The following ANO4 variants were observed in gnomAD, a reference collection of about 807,000 sequenced individuals.
ANO4 encodes the protein anoctamin 4, also known as anoctamin-4.
Under a neutral mutation model 141.9 loss-of-function variants are expected in ANO4, and 69 were observed. The ratio of observed to expected loss-of-function variants is 0.49; its 90% confidence interval spans 0.40 to 0.59. The LOEUF is 0.59. ANO4 is among the 20% of genes least tolerant of loss of function. The probability of loss-of-function intolerance (pLI) is 0.00; values close to 1 mark genes in which losing one functional copy is unlikely to be tolerated. For missense variants in ANO4, 894 were observed against 1,162.2 expected, an observed-to-expected ratio of 0.77 and a Z score of 3.36; for synonymous variants, 350 against 394.3, an observed-to-expected ratio of 0.89 and a Z score of 1.33.
chr12:101,022,929 C>T (rs926746648), intron 9 of ANO4, among the ~76,000 whole-genome samples: 1 of 151,406 alleles, frequency 6.6e-6, no homozygotes, highest in African/African-American at 2.4e-5. Flanking sequence ...TTAGTGGAGA[C>T]GGGGTTTCAC....
chr12:101,112,325 C>A (rs1018587474), intron 24 of ANO4, among the ~76,000 whole-genome samples: 1 of 152,134 alleles, frequency 6.6e-6, no homozygotes, highest in Admixed American at 6.5e-5. Context: ...TATGGCATTG[C>A]CTCAATGGTT....
chr12:101,086,080 C>CTGTG (rs56891905), intron 16 of ANO4, among the ~76,000 whole-genome samples: 11,711 of 131,616 alleles, frequency 0.089, 666 homozygotes, highest in South Asian at 0.2. Flanking sequence ...GTTAACTAGG[C>CTGTG]TGTGTGTGTG....
At chr12:100,931,929 G>A (rs1466677902) in intron 3 of ANO4, among the ~76,000 whole-genome samples, 1 of 151,734 alleles carries the variant, frequency 6.6e-6, no homozygotes, top group Non-Finnish European at 1.5e-5. Flanking sequence ...AAACAATCTG[G>A]TAAGTGTTAA....
intron 1 of ANO4, among the ~76,000 whole-genome samples, chr12:100,718,403 C>T (rs1560020): frequency 6.6e-6 from 1 of 151,948 alleles, no homozygotes; most frequent in African/African-American, 2.4e-5. Context: ...TCAGTTGTTG[C>T]GATAAGATCT....
At chr12:100,824,657 A>T (rs2036233423) in intron 1 of ANO4, among the ~76,000 whole-genome samples, 1 of 152,022 alleles carries the variant, frequency 6.6e-6, no homozygotes, top group African/African-American at 2.4e-5. Flanking sequence ...TCTCCAAAAC[A>T]CCCAAATGTG....
chr12:100,932,059 C>T (rs1173935651), intron 3 of ANO4, among the ~76,000 whole-genome samples: 1 of 149,922 alleles, frequency 6.7e-6, no homozygotes, highest in Non-Finnish European at 1.5e-5. Context: ...GTATCAGATG[C>T]AATAACTTGG....
intron 26 of ANO4, among the ~76,000 whole-genome samples, chr12:101,124,793 T>C (rs2051240216): frequency 6.6e-6 from 1 of 152,230 alleles, no homozygotes; most frequent in Admixed American, 6.5e-5. Context: ...ATGTGTGGTC[T>C]TATATCTGAG....
intron 3 of ANO4, among the ~76,000 whole-genome samples, chr12:100,741,952 C>T (rs181592930): frequency 1.7e-4 from 26 of 152,196 alleles, no homozygotes; most frequent in African/African-American, 6.0e-4. Context: ...CCTTAGTTGA[C>T]TTTTTTTCTC....
intron 1 of ANO4, among the ~76,000 whole-genome samples, chr12:100,871,499 C>T (rs1014805623): frequency 6.6e-6 from 1 of 152,218 alleles, no homozygotes; most frequent in Non-Finnish European, 1.5e-5. Context: ...TGTTATAGCA[C>T]TGAGCACCTG....
At chr12:100,867,653 C>A (rs2038819552) in intron 1 of ANO4, among the ~76,000 whole-genome samples, 1 of 151,934 alleles carries the variant, frequency 6.6e-6, no homozygotes, top group South Asian at 2.1e-4. Context: ...GACGTTTAAC[C>A]AAATATATGG....
chr12:100,940,650 GT>G (rs1422487647), intron 4 of ANO4, among the ~76,000 whole-genome samples: 1 of 152,196 alleles, frequency 6.6e-6, no homozygotes, highest in Non-Finnish European at 1.5e-5. Flanking sequence ...CAGCTGAGAT[GT>G]TTTTTTCGAT....
chr12:101,017,446 A>G (rs2046357069), intron 8 of ANO4, among the ~76,000 whole-genome samples: 1 of 152,202 alleles, frequency 6.6e-6, no homozygotes, highest in Non-Finnish European at 1.5e-5. Flanking sequence ...ACCACACTGC[A>G]TTTCAGAGTG....
intron 22 of ANO4, among the ~76,000 whole-genome samples, chr12:101,106,936 A>G (rs559340783): frequency 6.6e-6 from 1 of 151,690 alleles, no homozygotes; most frequent in African/African-American, 2.4e-5. Context: ...CTTCAAGACC[A>G]ATATCATGTG....
At chr12:100,926,854 G>T (rs1394567439) in intron 3 of ANO4, among the ~76,000 whole-genome samples, 1 of 151,996 alleles carries the variant, frequency 6.6e-6, no homozygotes, top group Non-Finnish European at 1.5e-5. Flanking sequence ...CCAGGCTTCT[G>T]GTAGGGGGAA....
At chr12:101,048,789 T>C (rs989148422) in intron 14 of ANO4, among the ~76,000 whole-genome samples, 1 of 152,282 alleles carries the variant, frequency 6.6e-6, no homozygotes, top group Non-Finnish European at 1.5e-5. Flanking sequence ...TTCTTCTAGC[T>C]CTGTACAAAA....
chr12:100,778,280 G>T (rs1175677133), intron 3 of ANO4, among the ~76,000 whole-genome samples: 1 of 152,168 alleles, frequency 6.6e-6, no homozygotes, highest in African/African-American at 2.4e-5. Context: ...AAGAGTTTCA[G>T]TGGACTTAAA....
At chr12:100,860,309 G>A (rs1233156690) in intron 1 of ANO4, among the ~76,000 whole-genome samples, 4 of 152,152 alleles carry the variant, frequency 2.6e-5, no homozygotes, top group African/African-American at 9.7e-5. Context: ...TATCTCACCA[G>A]GGATTGTGAA....
At position 101,023,295 on chromosome 12, in the gene ANO4, G is replaced by C. The variant is rs184632045; in HGVS notation, c.841+3155G>C. Among the ~76,000 whole-genome samples the C allele has an allele frequency of 1.4e-4, 22 of 152,312 alleles. No homozygotes were observed. The East Asian group carries it at 3.9e-3, about 27-fold the overall frequency. ...GAAGCACAGGAAGTGTAGTATTGTTGCTAGTCAGAAAGGGTCTTTATAAAA... is the reference window on the plus strand; with the variant it reads ...GAAGCACAGGAAGTGTAGTATTGTTCCTAGTCAGAAAGGGTCTTTATAAAA... On this transcript the variant is annotated intron_variant, in intron 9 of 27. Coordinates refer to ENST00000392977, the MANE Select transcript of ANO4 (RefSeq NM_001286615.2).
chr12:100,730,485 C>T (rs1261326498), intron 1 of ANO4, among the ~76,000 whole-genome samples: 5 of 152,318 alleles, frequency 3.3e-5, no homozygotes, highest in Middle Eastern at 6.8e-3. Flanking sequence ...TCACAGCAAC[C>T]TCTCTGAAAT....
Sources: gnomAD v4.1 joint callset for allele counts (sites outside exome capture counted in the v4.1 genomes callset) on GRCh38, gnomAD v4.1.1 for gene constraint, MANE v1.5 for transcripts, NCBI Gene and HGNC (gene_info 2026-07-23, HGNC 2026-07-21) for gene names.